ZNF727: variants seen among roughly 807,000 people sequenced by gnomAD.
The protein encoded by ZNF727 is putative zinc finger protein 727.
ZNF727 carries 11 observed loss-of-function variants against 11.5 expected under a neutral mutation model. The observed-to-expected ratio is 0.95, with a 90% confidence interval of 0.60 to 1.58. The LOEUF (loss-of-function observed/expected upper bound fraction) is 1.58. ZNF727 is among the 40% of genes most tolerant of loss of function. The pLI, the probability that ZNF727 is intolerant of heterozygous loss-of-function variation, is 0.00. For missense variants in ZNF727, 533 were observed against 581.7 expected, an observed-to-expected ratio of 0.92 and a Z score of 0.86; for synonymous variants, 171 against 196.1, an observed-to-expected ratio of 0.87 and a Z score of 1.07.
rs749774252 is a variant in ZNF727, at chr7:64,077,634, T to G, written c.585T>G (p.Thr195=). 4 of 1,552,830 alleles carry G rather than the reference T, an allele frequency of 2.6e-6. No homozygotes were observed. In the African/African-American group the frequency reaches 5.5e-5, roughly 21 times the overall value. ...SDFTIQKRIH[T]ADRSYKCEEC... The stretch of plus-strand genomic sequence containing the variant: ...TTACCATACAGAAGAGAATTCATAC[T>G]GCAGATAGAAGTTACAAATGTGAAG... The change falls in exon 4 of 4, where the codon ACT becomes ACG. Residue 195 remains threonine, a synonymous_variant. Transcript: ENST00000456806.
chr7:64,070,786 C>G (rs1329686373), intron 3 of ZNF727, among the ~76,000 whole-genome samples: 1 of 151,950 alleles, frequency 6.6e-6, no homozygotes, highest in Non-Finnish European at 1.5e-5. Context: ...CTTTCCCCAC[C>G]TCTAGGGCCT....
In ZNF727 at chr7:64,078,508, A is replaced by G; in HGVS notation, c.1459A>G (p.Lys487Glu). 1 of 1,563,238 alleles carries G rather than the reference A, an allele frequency of 6.4e-7. No homozygotes were observed. The highest frequency in any genetic ancestry group is 8.7e-7 in the Non-Finnish European group (1 of 1,153,480). The change falls in exon 4 of 4, where the codon AAG becomes GAG. Residue 487 changes from lysine to glutamate, a missense_variant. Physicochemically the swap from Lys to Glu is moderately conservative, Grantham distance 56. Transcript: ENST00000456806. The part of the protein sequence containing the change: ...DRPTSAKNVA[K>E]PLGGSQTLLN... Reference sequence around the variant, plus strand: ...ACCTACAAGTGCAAAGAATGTGGCAAAGCCTTTAGGTGGTTCTCAGACCTT... The same window carrying G: ...ACCTACAAGTGCAAAGAATGTGGCAGAGCCTTTAGGTGGTTCTCAGACCTT...
intron 3 of ZNF727, among the ~76,000 whole-genome samples, chr7:64,076,498 C>G (rs573172154): frequency 5.3e-5 from 8 of 151,862 alleles, no homozygotes; most frequent in Non-Finnish European, 1.0e-4. Flanking sequence ...TTAGCTACTC[C>G]GGAGGCTGAG....
rs1296955924 is a variant in ZNF727 at position 64,077,541 on chromosome 7, G to A, written c.492G>A (p.Lys164=). The A allele has an allele frequency of 5.8e-6, 9 of 1,551,216 alleles. No individual in the cohort carries two copies. The African/African-American group carries it at 6.8e-5, about 12-fold the overall frequency. The stretch of plus-strand genomic sequence containing the variant: ...TGTGCTCAATCTTCACTGAACATAA[G>A]AAAATTTTTAGCAGAGAGAAATGCT... ...FGLCSIFTEH[K]KIFSREKCYK... Residue 164 remains lysine, a synonymous_variant, in exon 4 of 4, where the codon AAG becomes AAA. Transcript: ENST00000456806.
At chr7:64,058,614 C>A (rs781777045) in intron 1 of ZNF727, among the ~76,000 whole-genome samples, 6 of 152,146 alleles carry the variant, frequency 3.9e-5, no homozygotes, top group Non-Finnish European at 7.4e-5. Context: ...TCTGAGCCAC[C>A]ATCTGTGTAG....
chr7:64,066,954 G>GA (rs778050909), intron 1 of ZNF727, among the ~76,000 whole-genome samples: 15 of 152,100 alleles, frequency 9.9e-5, no homozygotes, highest in East Asian at 3.9e-4. Flanking sequence ...AAATTTACCA[G>GA]AAAAAACTAA....
At chr7:64,069,072 CT>C (rs35929359) in intron 2 of ZNF727, 55 bp downstream of exon 2, 332,090 of 1,154,792 alleles carry the variant, frequency 0.29, 27,459 homozygotes, top group Non-Finnish European at 0.31. Flanking sequence ...TTTATTTCCT[CT>C]TTTTTTTTTT....
At chr7:64,046,216 A>C (rs1318397035) in intron 1 of ZNF727, among the ~76,000 whole-genome samples, 1 of 152,014 alleles carries the variant, frequency 6.6e-6, no homozygotes, top group African/African-American at 2.4e-5. Flanking sequence ...TGTTTGGTAG[A>C]GACGGGTTTT....
chr7:64,060,802 T>C (rs1245180854), intron 1 of ZNF727, among the ~76,000 whole-genome samples: 28 of 152,064 alleles, frequency 1.8e-4, no homozygotes, highest in Non-Finnish European at 1.9e-4. Flanking sequence ...AGTTTTTTTT[T>C]AAACTTTTTT....
chr7:64,045,715 C>T (rs1789490892), intron 1 of ZNF727, 91 bp downstream of exon 1: 1 of 1,507,838 alleles, frequency 6.6e-7, no homozygotes, highest in Admixed American at 2.0e-5. Flanking sequence ...GCCTCGCGGT[C>T]AGCTCTGCAG....
chr7:64,083,995 C>T lies in ZNF727; in HGVS notation c.*5446C>T, dbSNP rs1456329275. Among the ~76,000 whole-genome samples, 3 of 152,170 alleles carry T rather than the reference C, an allele frequency of 2.0e-5. No individual in the cohort carries two copies. Among genetic ancestry groups the T allele is most frequent in the Non-Finnish European group, 4.4e-5 (3 of 68,036 alleles). ...ACTCTTACATTTGATGCTATGTCTT[C>T]ATTCTAGAATTTATGTGAAAGAACA... On this transcript the variant is annotated 3_prime_UTR_variant, in exon 4 of 4. Coordinates refer to ENST00000456806, the MANE Select transcript of ZNF727 (RefSeq NM_001159522.3).
chr7:64,084,466 A>G lies in ZNF727; in HGVS notation c.*5917A>G, dbSNP rs1439947996. Among the ~76,000 whole-genome samples, 1 of 152,194 alleles carries G rather than the reference A, an allele frequency of 6.6e-6. No homozygotes were observed. Among genetic ancestry groups the G allele is most frequent in the Non-Finnish European group, 1.5e-5 (1 of 68,014 alleles). ...CAAGGTTGTAGGTCAACAGATGGTA[A>G]CAATATACTATTGTGTGACTGTGGA... is the stretch of plus-strand genomic sequence containing the variant. On this transcript the variant is annotated 3_prime_UTR_variant, in exon 4 of 4. Transcript: ENST00000456806.
In ZNF727 at chr7:64,078,680, C is replaced by A; in HGVS notation, c.*131C>A. On this transcript the variant is annotated 3_prime_UTR_variant, in exon 4 of 4. Transcript: ENST00000456806. Reference sequence around the variant, plus strand: ...ACATTTGTGAAGAATGTGGCAAAGCCTTTATCCGCTCCTCAACCCTTACAA... The same window carrying A: ...ACATTTGTGAAGAATGTGGCAAAGCATTTATCCGCTCCTCAACCCTTACAA... 1 of 1,285,832 alleles carries A rather than the reference C, an allele frequency of 7.8e-7. No individual in the cohort carries two copies. Among genetic ancestry groups the A allele is most frequent in the Non-Finnish European group, 1.1e-6 (1 of 891,574 alleles). 79.7% of individuals were successfully genotyped at this position (1,285,832 alleles called of 1,614,324 possible).
chr7:64,059,185 T>C (rs901695669), intron 1 of ZNF727, among the ~76,000 whole-genome samples: 1 of 152,154 alleles, frequency 6.6e-6, no homozygotes, highest in Non-Finnish European at 1.5e-5. Context: ...CCTTGTGATC[T>C]GCCTGCCTCA....
chr7:64,083,991 T>C lies in ZNF727; in HGVS notation c.*5442T>C, dbSNP rs1239923473. ...TTTAACTCTTACATTTGATGCTATG[T>C]CTTCATTCTAGAATTTATGTGAAAG... On this transcript the variant is annotated 3_prime_UTR_variant, in exon 4 of 4. Transcript: ENST00000456806. 6.6e-6 allele frequency among the ~76,000 whole-genome samples: 1 copy of C among 152,236 alleles called. No individual in the cohort carries two copies. The highest frequency in any genetic ancestry group is 1.5e-5 in the Non-Finnish European group (1 of 68,046).
At chr7:64,076,118 T>G (rs1451336192) in intron 3 of ZNF727, among the ~76,000 whole-genome samples, 1 of 152,194 alleles carries the variant, frequency 6.6e-6, no homozygotes, top group Non-Finnish European at 1.5e-5. Flanking sequence ...TGTATAATTT[T>G]TTATGCCAAT....
chr7:64,071,542 C>T (rs564803352), intron 3 of ZNF727, among the ~76,000 whole-genome samples: 3 of 151,902 alleles, frequency 2.0e-5, no homozygotes, highest in South Asian at 2.1e-4. Context: ...AACCACTTAT[C>T]GGATATGGTT....
chr7:64,045,796 A>T (rs1789493221), intron 1 of ZNF727, among the ~76,000 whole-genome samples, 172 bp downstream of exon 1: 1 of 152,148 alleles, frequency 6.6e-6, no homozygotes, highest in African/African-American at 2.4e-5. Flanking sequence ...CTGAGCCTGC[A>T]GCCAAAACCC....
chr7:64,058,125 G>A (rs1245234083), intron 1 of ZNF727, among the ~76,000 whole-genome samples: 2 of 152,120 alleles, frequency 1.3e-5, no homozygotes, highest in Admixed American at 6.5e-5. Context: ...GGACATGTGC[G>A]TGCCTGTGAG....
Sources: allele counts gnomAD v4.1 joint callset (sites outside exome capture counted in the v4.1 genomes callset), GRCh38; gene constraint gnomAD v4.1.1; transcripts MANE v1.5; gene names NCBI Gene and HGNC (gene_info 2026-07-23, HGNC 2026-07-21).